The following ADGRL3 variants were observed in gnomAD, a reference collection of about 807,000 sequenced individuals.
ADGRL3 encodes calcium-independent alpha-latrotoxin receptor 3.
ADGRL3 carries 62 observed loss-of-function variants against 153.5 expected under a neutral mutation model. That is an observed-to-expected ratio of 0.40 (90% CI 0.33 to 0.50). The LOEUF is 0.50. Ranked by LOEUF, ADGRL3 falls within the 20% of genes least tolerant of loss-of-function variation. The pLI is 0.47. For missense variants in ADGRL3, 1,641 were observed against 1,859.4 expected, an observed-to-expected ratio of 0.88 and a Z score of 2.16; for synonymous variants, 710 against 672.5, an observed-to-expected ratio of 1.06 and a Z score of -0.86.
intron 6 of ADGRL3, among the ~76,000 whole-genome samples, chr4:61,705,132 G>A (rs1163998447): frequency 1.3e-5 from 2 of 151,984 alleles, no homozygotes; most frequent in Non-Finnish European, 2.9e-5. Flanking sequence ...TTTCCAGAAG[G>A]TTTTCAATTT....
At chr4:61,530,801 T>C (rs1188479951) in intron 4 of ADGRL3, among the ~76,000 whole-genome samples, 1 of 152,212 alleles carries the variant, frequency 6.6e-6, no homozygotes, top group Non-Finnish European at 1.5e-5. Context: ...AACATATTCA[T>C]CTGTGTATTT....
chr4:61,501,934 A>G (rs2098390928), intron 3 of ADGRL3, among the ~76,000 whole-genome samples: 4 of 152,056 alleles, frequency 2.6e-5, no homozygotes, highest in South Asian at 4.1e-4. Flanking sequence ...TCTGTTTTCC[A>G]TGACTGTGTC....
intron 5 of ADGRL3, among the ~76,000 whole-genome samples, chr4:61,587,975 A>G (rs2098953350): frequency 1.3e-5 from 2 of 152,030 alleles, no homozygotes; most frequent in South Asian, 4.1e-4. Context: ...ATATTTGAGC[A>G]ATCTAAATAT....
intron 2 of ADGRL3, among the ~76,000 whole-genome samples, chr4:61,389,273 T>G (rs1262986315): frequency 6.6e-6 from 1 of 152,210 alleles, no homozygotes; most frequent in Non-Finnish European, 1.5e-5. Context: ...AGGCAGTTGA[T>G]AGGTCTTAGT....
rs796967168 is a variant in ADGRL3 at position 61,490,640 on chromosome 4, T to C, written c.-173-6481T>C. 2.1e-4 allele frequency among the ~76,000 whole-genome samples: 32 copies of C among 152,014 alleles called. 1 individual carries two copies. Among genetic ancestry groups the C allele is most frequent in the African/African-American group, 7.5e-4 (31 of 41,478 alleles). On this transcript the variant is annotated intron_variant, in intron 2 of 26. Coordinates refer to ENST00000683033, the MANE Select transcript of ADGRL3 (RefSeq NM_001387552.1). ...CATTGTTGCTGCTGACTAAACTCAG[T>C]GGTTAAATGCTTTCTTCATACTTAT... is the stretch of plus-strand genomic sequence containing the variant.
chr4:61,555,216 T>C (rs1436560384), intron 4 of ADGRL3, among the ~76,000 whole-genome samples: 1 of 152,206 alleles, frequency 6.6e-6, no homozygotes, highest in Non-Finnish European at 1.5e-5. Context: ...ATAATCCTTA[T>C]GCCAAAGTGG....
chr4:61,676,038 T>C (rs1332585329), intron 5 of ADGRL3, among the ~76,000 whole-genome samples: 1 of 151,896 alleles, frequency 6.6e-6, no homozygotes, highest in Non-Finnish European at 1.5e-5. Flanking sequence ...AATAAGAACA[T>C]GCAAAGTTTG....
chr4:62,027,496 G>A (rs1371454197), intron 21 of ADGRL3, among the ~76,000 whole-genome samples: 1 of 151,972 alleles, frequency 6.6e-6, no homozygotes, highest in Non-Finnish European at 1.5e-5. Context: ...GACATGACTA[G>A]TGATCACCCC....
At chr4:61,899,979 A>G (rs2098655048) in intron 11 of ADGRL3, among the ~76,000 whole-genome samples, 1 of 152,188 alleles carries the variant, frequency 6.6e-6, no homozygotes, top group Admixed American at 6.5e-5. Flanking sequence ...GAATTTTGGA[A>G]GGACACAAAC....
chr4:61,599,113 C>G (rs2099000682), intron 5 of ADGRL3, among the ~76,000 whole-genome samples: 1 of 152,164 alleles, frequency 6.6e-6, no homozygotes, highest in Non-Finnish European at 1.5e-5. Context: ...ATAAATTGTT[C>G]ATTTTTATAC....
At position 61,497,267 on chromosome 4, in the gene ADGRL3, G is replaced by A; in HGVS notation, c.-27G>A. Reference sequence around the variant, plus strand: ...TCACATTTGAACAGTCATTCTTGAGGAATACTCCATACCTGAGTAGACAGC... The same window carrying A: ...TCACATTTGAACAGTCATTCTTGAGAAATACTCCATACCTGAGTAGACAGC... On this transcript the variant is annotated 5_prime_UTR_variant, in exon 3 of 27. Coordinates refer to ENST00000683033, the MANE Select transcript of ADGRL3 (RefSeq NM_001387552.1). The A allele has an allele frequency of 6.8e-7, 1 of 1,480,684 alleles. No individual in the cohort carries two copies. 91.7% of individuals were successfully genotyped at this position (1,480,684 alleles called of 1,614,324 possible).
chr4:62,067,312 A>G (rs1269537343), intron 25 of ADGRL3, among the ~76,000 whole-genome samples: 1 of 152,078 alleles, frequency 6.6e-6, no homozygotes, highest in Non-Finnish European at 1.5e-5. Flanking sequence ...CAGCAAGAAC[A>G]ACTCTGTTAA....
intron 5 of ADGRL3, among the ~76,000 whole-genome samples, chr4:61,603,483 T>C (rs898219641): frequency 1.3e-5 from 2 of 152,172 alleles, no homozygotes; most frequent in African/African-American, 4.8e-5. Flanking sequence ...TAGCTGGTCA[T>C]GTTCTAGGTT....
chr4:61,313,083 A>G (rs1296948421), intron 1 of ADGRL3, among the ~76,000 whole-genome samples: 1 of 152,214 alleles, frequency 6.6e-6, no homozygotes, highest in Admixed American at 6.5e-5. Flanking sequence ...AGACATGGGG[A>G]CATCCTAAAT....
At chr4:61,298,784 A>G (rs979837870) in intron 1 of ADGRL3, among the ~76,000 whole-genome samples, 1 of 152,176 alleles carries the variant, frequency 6.6e-6, no homozygotes, top group Non-Finnish European at 1.5e-5. Context: ...GAAAAGCAGT[A>G]TCTGTGTTGA....
At chr4:61,438,857 G>A (rs1377295159) in intron 2 of ADGRL3, among the ~76,000 whole-genome samples, 6 of 151,840 alleles carry the variant, frequency 4.0e-5, no homozygotes, top group South Asian at 2.1e-4. Flanking sequence ...ACAGGCGCCC[G>A]CCACCACGCC....
chr4:61,847,898 A>G (rs1449762822), intron 9 of ADGRL3, among the ~76,000 whole-genome samples: 1 of 24,344 alleles, frequency 4.1e-5, no homozygotes, highest in Admixed American at 8.1e-4. Flanking sequence ...AAAATATATT[A>G]TATATAATAT....
chr4:61,538,554 C>T (rs1022081037), intron 4 of ADGRL3, among the ~76,000 whole-genome samples: 1 of 152,146 alleles, frequency 6.6e-6, no homozygotes, highest in Non-Finnish European at 1.5e-5. Context: ...ATTCTCCTGC[C>T]TCAGCCTCAT....
intron 1 of ADGRL3, among the ~76,000 whole-genome samples, chr4:61,328,648 T>C (rs1364685983): frequency 6.6e-6 from 1 of 152,198 alleles, no homozygotes; most frequent in Admixed American, 6.6e-5. Context: ...TTGAGCTATG[T>C]CAAATGGGGA....
Sources: gnomAD v4.1 joint callset for allele counts (sites outside exome capture counted in the v4.1 genomes callset) on GRCh38, gnomAD v4.1.1 for gene constraint, MANE v1.5 for transcripts, NCBI Gene and HGNC (gene_info 2026-07-23, HGNC 2026-07-21) for gene names.